The following SLC25A18 variants were observed in gnomAD, a reference collection of about 807,000 sequenced individuals.
The protein encoded by SLC25A18 is mitochondrial glutamate carrier 2.
Under a neutral mutation model 31.1 loss-of-function variants are expected in SLC25A18, and 24 were observed. The observed-to-expected ratio is 0.77, with a 90% CI of 0.56 to 1.08. The LOEUF (loss-of-function observed/expected upper bound fraction) is 1.08, where lower values mean the gene tolerates loss of function less well. Among genes scored for constraint, SLC25A18 ranks in the 50% least tolerant of loss-of-function variants. The probability of loss-of-function intolerance (pLI) is 0.00; values close to 1 mark genes in which losing one functional copy is unlikely to be tolerated. For missense variants in SLC25A18, 371 were observed against 418.5 expected, an observed-to-expected ratio of 0.89 and a Z score of 0.99; for synonymous variants, 173 against 161.9, an observed-to-expected ratio of 1.07 and a Z score of -0.52.
chr22:17,582,353 GC>G (rs1183856203), intron 5 of SLC25A18: 3 of 407,612 alleles, frequency 7.4e-6, no homozygotes, highest in Non-Finnish European at 1.3e-5. Flanking sequence ...TCCAGCCTGG[GC>G]GACAGAGCGA....
chr22:17,566,107 A>C (rs1255250590), intron 1 of SLC25A18, among the ~76,000 whole-genome samples: 2 of 151,988 alleles, frequency 1.3e-5, no homozygotes, highest in Non-Finnish European at 2.9e-5. Flanking sequence ...GCCGATCTCT[A>C]TTTTTTTGAA....
At chr22:17,577,091 C>T (rs879713075) in intron 2 of SLC25A18, among the ~76,000 whole-genome samples, 8 of 151,852 alleles carry the variant, frequency 5.3e-5, no homozygotes, top group Non-Finnish European at 1.0e-4. Flanking sequence ...GGCACCATCT[C>T]GGCTCACTGC....
chr22:17,581,043 A>C lies in SLC25A18; in HGVS notation c.27A>C (p.Thr9=). The C allele has an allele frequency of 6.4e-7, 1 of 1,551,900 alleles. No homozygotes were observed. The highest frequency in any genetic ancestry group is 8.7e-7 in the Non-Finnish European group (1 of 1,146,790). The change falls in exon 4 of 11, where the codon ACA becomes ACC. Residue 9 remains threonine (T), a synonymous_variant. Coordinates refer to ENST00000327451, the MANE Select transcript of SLC25A18 (RefSeq NM_031481.3). MTHQDLSI[T]AKLINGGVAG... ...TGTCCTCCCCCTGTCCTAGCATCAC[A>C]GCCAAACTCATCAATGGAGGTGTAG...
Position 17,577,120 on chromosome 22 carries a change from T to TCA in SLC25A18, c.-200-2623_-200-2622dup, listed in dbSNP as rs1231455875. Among the ~76,000 whole-genome samples, 4 of 152,268 alleles carry TCA rather than the reference T, an allele frequency of 2.6e-5. No homozygotes were observed. In the East Asian group the frequency reaches 5.8e-4, roughly 22 times the overall value. ...TCACTGCAAGCTCCGCCTCCCGGGT[T>TCA]CACGCCATTCTCCTACCTCAGACTC... On this transcript the variant is annotated intron_variant, in intron 2 of 10. Transcript: ENST00000327451.
chr22:17,584,095 A>T, intron 7 of SLC25A18: 1 of 985,158 alleles, frequency 1.0e-6, no homozygotes, highest in Non-Finnish European at 1.2e-6. Context: ...GATCTCCTAA[A>T]GATTTTAAGA....
Position 17,570,901 on chromosome 22 carries a change from C to T in SLC25A18, c.-201+915C>T, listed in dbSNP as rs570717337. Among the ~76,000 whole-genome samples the T allele has an allele frequency of 4.5e-4, 68 of 152,288 alleles. 1 individual carries two copies. Among genetic ancestry groups the T allele is most frequent in the Non-Finnish European group, 7.1e-4 (48 of 68,044 alleles). ...TTCAATGGGTTAACAGGAGAGGGCT[C>T]CTAGCCAAGAATGGGGTGACTCCAG... On this transcript the variant is annotated intron_variant, in intron 2 of 10. Coordinates refer to ENST00000327451, the MANE Select transcript of SLC25A18 (RefSeq NM_031481.3).
At chr22:17,575,580 G>A (rs1423385535) in intron 2 of SLC25A18, among the ~76,000 whole-genome samples, 1 of 152,158 alleles carries the variant, frequency 6.6e-6, no homozygotes, top group African/African-American at 2.4e-5. Context: ...TCCTATGGAA[G>A]GGGTTGAATC....
At chr22:17,588,394 C>A in intron 9 of SLC25A18, 1 of 288,862 alleles carries the variant, frequency 3.5e-6, no homozygotes, top group East Asian at 1.1e-4. Context: ...CGCTTGCAAT[C>A]CCAGCACTTT....
chr22:17,589,538 G>A (rs1159235324), intron 9 of SLC25A18, 52 bp from the exon 10 acceptor site: 4 of 1,546,806 alleles, frequency 2.6e-6, no homozygotes, highest in Admixed American at 1.7e-5. Flanking sequence ...GTTGAGGGGA[G>A]GACACCGAAA....
intron 1 of SLC25A18, chr22:17,569,655 T>G: frequency 1.0e-6 from 1 of 985,436 alleles, no homozygotes; most frequent in Non-Finnish European, 1.2e-6. Context: ...CTTGTTAAAA[T>G]CTTTTCCCAG....
At chr22:17,568,812 C>G (rs2057011293) in intron 1 of SLC25A18, among the ~76,000 whole-genome samples, 1 of 151,684 alleles carries the variant, frequency 6.6e-6, no homozygotes. Flanking sequence ...CCACCTGCTT[C>G]GGCCTCCCAA....
intron 6 of SLC25A18, 25 bp downstream of exon 6, chr22:17,582,678 G>A (rs1383141744): frequency 1.2e-5 from 19 of 1,577,172 alleles, no homozygotes; most frequent in Non-Finnish European, 1.5e-5. Context: ...GGTGGGGTTG[G>A]ATCCTTCACT....
chr22:17,579,061 T>G (rs1376000795), intron 2 of SLC25A18, among the ~76,000 whole-genome samples: 2 of 114,262 alleles, frequency 1.8e-5, no homozygotes, highest in African/African-American at 3.3e-5. Context: ...CTTAAGTGGG[T>G]TTTTTGTTTG....
In SLC25A18 at chr22:17,587,138, G is replaced by A. The variant is rs141667334; in HGVS notation, c.412G>A (p.Val138Ile). 187 of 1,613,710 alleles carry A rather than the reference G, an allele frequency of 1.2e-4. No individual in the cohort carries two copies. In the African/African-American group the frequency reaches 1.5e-3, roughly 13 times the overall value. The change falls in exon 8 of 11, where the codon GTC becomes ATC. Residue 138 changes from valine to isoleucine, a missense_variant and splice_region_variant. Coordinates refer to ENST00000327451, the MANE Select transcript of SLC25A18 (RefSeq NM_031481.3). The stretch of plus-strand genomic sequence containing the variant: ...GATGTCTGTCCTTTCCCTTCCAGCC[G>A]TCCATCATCAGGGCTCGGCCTCAGC... ...IQLQDAGRLAVHHQGSASAPS... is the reference protein window; with the variant it reads ...IQLQDAGRLAIHHQGSASAPS...
chr22:17,563,557 G>A lies in SLC25A18; in HGVS notation c.-420G>A, dbSNP rs992070197. ...TATTCTAGCCAGTTAAAGCTGGACA[G>A]AATTTTTAAAAGCAATGAAGCCAGT... On this transcript the variant is annotated 5_prime_UTR_variant, in exon 1 of 11. Coordinates refer to ENST00000327451, the MANE Select transcript of SLC25A18 (RefSeq NM_031481.3). The A allele has an allele frequency of 1.9e-6, 1 of 513,268 alleles. No homozygotes were observed. Among genetic ancestry groups the A allele is most frequent in the African/African-American group, 2.1e-5 (1 of 48,080 alleles). The allele number at this position is 513,268 out of a possible 1,614,324, so 31.8% of individuals were successfully genotyped here.
Position 17,582,559 on chromosome 22 carries a change from C to G in SLC25A18, c.200-4C>G. On this transcript the variant is annotated splice_region_variant and splice_polypyrimidine_tract_variant and intron_variant, in intron 5 of 10. Transcript: ENST00000327451. ...TGACTCCCCATCTTGTCCTTCACTTCCAGGGGCTGCAGTGAACCTCACTCT... is the reference window on the plus strand; with the variant it reads ...TGACTCCCCATCTTGTCCTTCACTTGCAGGGGCTGCAGTGAACCTCACTCT... 1 of 1,589,244 alleles carries G rather than the reference C, an allele frequency of 6.3e-7. No individual in the cohort carries two copies. Among genetic ancestry groups the G allele is most frequent in the South Asian group, 1.1e-5 (1 of 87,418 alleles).
chr22:17,578,754 G>A (rs555267656), intron 2 of SLC25A18, among the ~76,000 whole-genome samples: 89 of 152,256 alleles, frequency 5.8e-4, no homozygotes, highest in African/African-American at 2.0e-3. Flanking sequence ...ACAAAAATTC[G>A]CCCGGTGTGG....
intron 7 of SLC25A18, among the ~76,000 whole-genome samples, chr22:17,584,503 A>G (rs570525861): frequency 3.4e-4 from 49 of 144,608 alleles, no homozygotes; most frequent in African/African-American, 1.2e-3. Context: ...AATGCCGCCC[A>G]GCGTGGTGGC....
chr22:17,577,579 ATTT>A (rs695611), intron 2 of SLC25A18, among the ~76,000 whole-genome samples: 9 of 118,894 alleles, frequency 7.6e-5, no homozygotes, highest in Non-Finnish European at 1.2e-4. Context: ...TGTCCTGTCT[ATTT>A]TTTTTTTTTT....
Sources: gnomAD v4.1 joint callset for allele counts (sites outside exome capture counted in the v4.1 genomes callset) on GRCh38, gnomAD v4.1.1 for gene constraint, MANE v1.5 for transcripts, NCBI Gene and HGNC (gene_info 2026-07-23, HGNC 2026-07-21) for gene names.